UGT1A7: variants seen among roughly 807,000 people sequenced by gnomAD.
The protein encoded by UGT1A7 is UDP-glucuronosyltransferase 1A7.
A neutral mutation model predicts 45.6 loss-of-function variants in UGT1A7; 33 were observed. The observed-to-expected ratio is 0.72, with a 90% CI of 0.55 to 0.97. The LOEUF (loss-of-function observed/expected upper bound fraction) is 0.97, where lower values mean the gene tolerates loss of function less well. Among genes scored for constraint, UGT1A7 ranks in the 50% least tolerant of loss-of-function variants. UGT1A7 has a pLI of 0.00. For synonymous variants in UGT1A7, 274 were observed against 250.6 expected, an observed-to-expected ratio of 1.09 and a Z score of -0.88; for missense variants, 684 against 666.2, an observed-to-expected ratio of 1.03 and a Z score of -0.29.
rs1392569558 is a variant in UGT1A7 at position 233,757,114 on chromosome 2, G to T, written c.856-9920G>T. ...GCAGAGGGAGGGGGCAAGCAGAAGG[G>T]CTAGAGAGGAGGAATGAGCTTGGAC... On this transcript the variant is annotated intron_variant, in intron 1 of 4. Transcript: ENST00000373426. Among the ~76,000 whole-genome samples the T allele has an allele frequency of 7.3e-5, 11 of 151,392 alleles. No individual in the cohort carries two copies. In the South Asian group the frequency reaches 1.7e-3, roughly 23 times the overall value.
chr2:233,767,286 C>G, intron 2 of UGT1A7, 121 bp downstream of exon 2: 1 of 1,568,700 alleles, frequency 6.4e-7, no homozygotes, highest in African/African-American at 1.4e-5. Context: ...CCTGCCACTT[C>G]CCAACTATTA....
intron 1 of UGT1A7, chr2:233,690,762 C>T (rs2075009022): frequency 1.3e-6 from 1 of 787,480 alleles, no homozygotes; most frequent in Non-Finnish European, 1.6e-6. Context: ...TGCAGACATA[C>T]ACACACACAC....
At chr2:233,698,008 G>C (rs556681308) in intron 1 of UGT1A7, among the ~76,000 whole-genome samples, 1 of 152,200 alleles carries the variant, frequency 6.6e-6, no homozygotes, top group South Asian at 2.1e-4. Flanking sequence ...TATCATTTCT[G>C]CACATTGGTA....
intron 1 of UGT1A7, chr2:233,747,256 G>T: frequency 6.2e-7 from 1 of 1,600,772 alleles, no homozygotes; most frequent in Non-Finnish European, 8.5e-7. Flanking sequence ...GCTGGCCACA[G>T]GAGTGCTACT....
chr2:233,752,937 C>A (rs1656534777), intron 1 of UGT1A7, among the ~76,000 whole-genome samples: 1 of 152,230 alleles, frequency 6.6e-6, no homozygotes, highest in African/African-American at 2.4e-5. Flanking sequence ...CCACTCTTTG[C>A]TGACCACTGA....
intron 1 of UGT1A7, among the ~76,000 whole-genome samples, chr2:233,759,575 A>G (rs1346908637): frequency 6.6e-6 from 1 of 151,414 alleles, no homozygotes; most frequent in Admixed American, 6.6e-5. Context: ...GTCATTCTCT[A>G]CCCCAGCACG....
At position 233,772,892 on chromosome 2, in the gene UGT1A7, T is replaced by A; in HGVS notation, c.*333T>A. On this transcript the variant is annotated 3_prime_UTR_variant, in exon 5 of 5. Coordinates refer to ENST00000373426, the MANE Select transcript of UGT1A7 (RefSeq NM_019077.3). The stretch of plus-strand genomic sequence containing the variant: ...TTGGGAGTGCGGGATTCAAAGGTGG[T>A]CCCACGGCTGCCCCTACTGCAAATG... 1 of 501,562 alleles carries A rather than the reference T, an allele frequency of 2.0e-6. No homozygotes were observed. Among genetic ancestry groups the A allele is most frequent in the Non-Finnish European group, 3.2e-6 (1 of 310,918 alleles). 31.1% of individuals were successfully genotyped at this position (501,562 alleles called of 1,614,324 possible).
In UGT1A7 at chr2:233,729,061, T is replaced by C. The variant is rs3806596; in HGVS notation, c.856-37973T>C. On this transcript the variant is annotated intron_variant, in intron 1 of 4. Transcript: ENST00000373426. ...TGGCTCAGTGACAAGGTAATTAAGA[T>C]GAAGAAAGCAAATGTAGCAGGCACA... The C allele has an allele frequency of 0.47, 753,810 of 1,610,256 alleles. 184,343 individuals are homozygous for C. Among genetic ancestry groups the C allele is most frequent in the African/African-American group, 0.83 (61,848 of 74,960 alleles).
chr2:233,694,870 T>C (rs1475517927), intron 1 of UGT1A7, among the ~76,000 whole-genome samples: 1 of 152,238 alleles, frequency 6.6e-6, no homozygotes, highest in East Asian at 1.9e-4. Flanking sequence ...AATATAGTTG[T>C]ACACATTTGG....
At chr2:233,686,034 T>C (rs1448125769) in intron 1 of UGT1A7, among the ~76,000 whole-genome samples, 1 of 152,170 alleles carries the variant, frequency 6.6e-6, no homozygotes, top group Non-Finnish European at 1.5e-5. Context: ...GCCAAGAGCA[T>C]TGAAATGGCA....
At chr2:233,743,810 G>C (rs765761325) in intron 1 of UGT1A7, 1 of 1,367,316 alleles carries the variant, frequency 7.3e-7, no homozygotes, top group Non-Finnish European at 9.8e-7. Flanking sequence ...CTTGTTCTCA[G>C]GGTTTTTGTC....
At chr2:233,725,070 G>A (rs1181179601) in intron 1 of UGT1A7, among the ~76,000 whole-genome samples, 7 of 145,216 alleles carry the variant, frequency 4.8e-5, no homozygotes, top group East Asian at 2.1e-4. Context: ...GCCTGCAATC[G>A]CAGGCACTCG....
At chr2:233,743,802 T>C (rs181906347) in intron 1 of UGT1A7, 13 of 1,367,286 alleles carry the variant, frequency 9.5e-6, no homozygotes, top group Non-Finnish European at 1.3e-5. Context: ...GCTTCCTCCT[T>C]GTTCTCAGGG....
intron 1 of UGT1A7, among the ~76,000 whole-genome samples, chr2:233,725,490 G>T (rs542689319): frequency 1.3e-5 from 2 of 151,958 alleles, no homozygotes; most frequent in Non-Finnish European, 2.9e-5. Context: ...CCAGCAAAAA[G>T]AAACCACTGA....
intron 1 of UGT1A7, among the ~76,000 whole-genome samples, chr2:233,759,189 C>T (rs938228585): frequency 2.0e-5 from 3 of 152,184 alleles, no homozygotes; most frequent in African/African-American, 7.2e-5. Flanking sequence ...CAAAAAGTTC[C>T]TTCCCAGGTT....
intron 1 of UGT1A7, among the ~76,000 whole-genome samples, chr2:233,731,261 T>C (rs1490710727): frequency 2.6e-5 from 4 of 151,726 alleles, no homozygotes; most frequent in Non-Finnish European, 4.4e-5. Flanking sequence ...AAATAGTGAC[T>C]GTTGCCCTTC....
At chr2:233,760,143 G>C (rs2125979116) in intron 1 of UGT1A7, 1 of 1,431,624 alleles carries the variant, frequency 7.0e-7, no homozygotes, top group Non-Finnish European at 9.3e-7. Flanking sequence ...ATCTCTGAAA[G>C]TGAACTCCCT....
chr2:233,689,865 T>C (rs1407073564), intron 1 of UGT1A7: 1 of 456,466 alleles, frequency 2.2e-6, no homozygotes, highest in Non-Finnish European at 4.4e-6. Context: ...TACTATTACC[T>C]TCTTGCTTAT....
chr2:233,768,591 T>C, intron 4 of UGT1A7, 152 bp downstream of exon 4: 1 of 1,076,328 alleles, frequency 9.3e-7, no homozygotes, highest in Non-Finnish European at 1.2e-6. Context: ...TCTTTTTTTT[T>C]TTTTTTTTTT....
Sources: gnomAD v4.1 joint callset for allele counts (sites outside exome capture counted in the v4.1 genomes callset) on GRCh38, gnomAD v4.1.1 for gene constraint, MANE v1.5 for transcripts, NCBI Gene and HGNC (gene_info 2026-07-23, HGNC 2026-07-21) for gene names.